The following TDRD12 variants were observed in gnomAD, a reference collection of about 807,000 sequenced individuals.
TDRD12 encodes the protein tudor domain containing 12.
Under a neutral mutation model 133.5 loss-of-function variants are expected in TDRD12, and 158 were observed. The ratio of observed to expected loss-of-function variants is 1.18; its 90% CI spans 1.04 to 1.35. The LOEUF (loss-of-function observed/expected upper bound fraction) is 1.35. Ranked by LOEUF, TDRD12 falls within the 40% of genes most tolerant of loss-of-function variation. The pLI, the probability that TDRD12 is intolerant of heterozygous loss-of-function variation, is 0.00. For synonymous variants in TDRD12, 460 were observed against 477.9 expected (o/e 0.96, Z 0.49); for missense variants, 1,443 against 1,321.3 (o/e 1.09, Z -1.43).
chr19:32,821,220 T>G (rs756568283), exon 28 of TDRD12: 7 of 1,146,192 alleles, frequency 6.1e-6, no homozygotes, highest in Non-Finnish European at 8.7e-6. Flanking sequence ...CTTTCTACTT[T>G]GAGATGAAAT....
At chr19:32,744,728 C>T (rs970670114) in intron 4 of TDRD12, among the ~76,000 whole-genome samples, 5 of 152,020 alleles carry the variant, frequency 3.3e-5, no homozygotes, top group African/African-American at 1.2e-4. Context: ...TACCGAGTGG[C>T]CTGACTTCTG....
chr19:32,794,814 G>A lies in TDRD12; in HGVS notation c.1473+1G>A, dbSNP rs1364181832. The A allele has an allele frequency of 2.0e-5, 14 of 702,740 alleles. No homozygotes were observed. Among genetic ancestry groups the A allele is most frequent in the Non-Finnish European group, 3.4e-5 (13 of 384,818 alleles). The allele number at this position is 702,740 out of a possible 1,614,324, so 43.5% of individuals were successfully genotyped here. A position where few individuals can be genotyped will look rare whatever the true frequency, so the allele number is the denominator to read the frequency against. ...CAAGTCATTACCAAGTAGAAATGGA[G>A]TAAGTCAAAGACAGTTTTGCCTCAC... On this transcript the variant is annotated splice_donor_variant, in intron 14 of 27. Coordinates refer to ENST00000444215, the Ensembl canonical transcript of TDRD12. LOFTEE classifies it high-confidence loss of function.
chr19:32,792,724 C>T lies in TDRD12; in HGVS notation c.1287+1656C>T, dbSNP rs558914954. Among the ~76,000 whole-genome samples the T allele has an allele frequency of 2.6e-5, 4 of 152,282 alleles. No homozygotes were observed. The East Asian group carries it at 7.7e-4, about 29-fold the overall frequency. On this transcript the variant is annotated intron_variant, in intron 13 of 27. Coordinates refer to ENST00000444215, the Ensembl canonical transcript of TDRD12. The stretch of plus-strand genomic sequence containing the variant: ...AATTTCCAGATTAAGAGGGCCTACC[C>T]ATCACAGGCCCAGCACAACTGCTGA...
At chr19:32,806,338 T>TTG (rs1971547893) in intron 21 of TDRD12, among the ~76,000 whole-genome samples, 1 of 26,278 alleles carries the variant, frequency 3.8e-5, no homozygotes, top group African/African-American at 2.5e-4. Context: ...GAAGACCGAG[T>TTG]TTTTTTTTTT....
chr19:32,781,722 T>C (rs1005227067), intron 11 of TDRD12, among the ~76,000 whole-genome samples: 1 of 151,942 alleles, frequency 6.6e-6, no homozygotes, highest in East Asian at 1.9e-4. Flanking sequence ...TGGAAGCTTA[T>C]AGGATCTTCC....
At chr19:32,779,380 C>T (rs1251053586) in intron 11 of TDRD12, among the ~76,000 whole-genome samples, 1 of 152,180 alleles carries the variant, frequency 6.6e-6, no homozygotes, top group Non-Finnish European at 1.5e-5. Context: ...TTTCTTTCTC[C>T]TCGGGCCTGT....
At chr19:32,781,256 T>G (rs1393815383) in intron 11 of TDRD12, among the ~76,000 whole-genome samples, 1 of 152,184 alleles carries the variant, frequency 6.6e-6, no homozygotes, top group East Asian at 1.9e-4. Context: ...TTAATCTATC[T>G]TAAAGATTCA....
At chr19:32,749,649 C>G in intron 5 of TDRD12, 135 bp from the exon 6 acceptor site, 1 of 616,308 alleles carries the variant, frequency 1.6e-6, no homozygotes, top group Non-Finnish European at 2.8e-6. Context: ...TAACATGCTC[C>G]CCCTGGTCCT....
At chr19:32,802,162 TGATAA>T (rs1971411709) in intron 19 of TDRD12, among the ~76,000 whole-genome samples, 1 of 142,560 alleles carries the variant, frequency 7.0e-6, no homozygotes, top group Non-Finnish European at 1.5e-5. Flanking sequence ...TATATATATA[TGATAA>T]TATATATCAT....
chr19:32,800,600 C>A, intron 17 of TDRD12, 44 bp from the exon 18 acceptor site: 2 of 1,495,218 alleles, frequency 1.3e-6, no homozygotes, highest in South Asian at 1.3e-5. Flanking sequence ...TCTGGAGCAC[C>A]TAAAATATTA....
At chr19:32,802,183 T>G (rs1040147008) in intron 19 of TDRD12, among the ~76,000 whole-genome samples, 2 of 145,094 alleles carry the variant, frequency 1.4e-5, no homozygotes, top group South Asian at 4.3e-4. Flanking sequence ...ATCATATATA[T>G]GATAGTGATA....
chr19:32,788,699 G>T (rs1396640843), intron 11 of TDRD12, among the ~76,000 whole-genome samples: 4 of 152,116 alleles, frequency 2.6e-5, no homozygotes, highest in Non-Finnish European at 5.9e-5. Flanking sequence ...TAGATGTCAT[G>T]CAGTCCTTGA....
At chr19:32,828,912 G>C (rs1967671443) in exon 10 of TDRD12, 1 of 152,286 alleles carries the variant, frequency 6.6e-6, no homozygotes, top group African/African-American at 2.4e-5. Context: ...CAGGACAGCT[G>C]CCGGGAGTGT....
chr19:32,747,473 T>C (rs971418603), intron 4 of TDRD12, among the ~76,000 whole-genome samples: 2 of 152,198 alleles, frequency 1.3e-5, no homozygotes, highest in East Asian at 1.9e-4. Flanking sequence ...TTAAAAGAAT[T>C]CTTGGAGGAT....
chr19:32,822,413 C>G (rs1967430582), downstream of TDRD12, among the ~76,000 whole-genome samples: 1 of 152,154 alleles, frequency 6.6e-6, no homozygotes, highest in Non-Finnish European at 1.5e-5. Context: ...GCCTGGGCAA[C>G]AGAATGAGAC....
chr19:32,810,266 G>A (rs911843195), exon 23 of TDRD12: 48 of 1,514,974 alleles, frequency 3.2e-5, no homozygotes, highest in Non-Finnish European at 3.4e-5. Context: ...CAGAAAAAAC[G>A]CTTTTTCACA....
chr19:32,757,191 T>C (rs1275679968), intron 8 of TDRD12, 61 bp downstream of exon 8: 18 of 1,351,842 alleles, frequency 1.3e-5, no homozygotes, highest in Non-Finnish European at 1.9e-5. Context: ...CTTAGCTTTT[T>C]AAAGATTAGA....
At chr19:32,806,340 T>TG (rs1454477452) in intron 21 of TDRD12, among the ~76,000 whole-genome samples, 1 of 150,320 alleles carries the variant, frequency 6.7e-6, no homozygotes, top group Admixed American at 6.6e-5. Flanking sequence ...AGACCGAGTT[T>TG]TTTTTTTTTT....
At chr19:32,720,849 C>G (rs1466574467) in intron 1 of TDRD12, among the ~76,000 whole-genome samples, 1 of 135,746 alleles carries the variant, frequency 7.4e-6, no homozygotes, top group Non-Finnish European at 1.6e-5. Context: ...CCAGGGGGCA[C>G]CCCGGGCTGG....
Sources: allele counts gnomAD v4.1 joint callset (sites outside exome capture counted in the v4.1 genomes callset), GRCh38; gene constraint gnomAD v4.1.1; transcripts MANE v1.5; gene names NCBI Gene and HGNC (gene_info 2026-07-23, HGNC 2026-07-21).